HVCN1: variants seen among roughly 807,000 people sequenced by gnomAD.
HVCN1 encodes voltage-gated hydrogen channel 1.
A neutral mutation model predicts 29.2 loss-of-function variants in HVCN1; 14 were observed. The ratio of observed to expected loss-of-function variants is 0.48; its 90% CI spans 0.32 to 0.75. The LOEUF (loss-of-function observed/expected upper bound fraction) is 0.75, where lower values mean the gene tolerates loss of function less well. HVCN1 is among the 30% of genes least tolerant of loss of function. The pLI, the probability that HVCN1 is intolerant of heterozygous loss-of-function variation, is 0.04. For synonymous variants in HVCN1, 131 were observed against 133.2 expected (o/e 0.98, Z 0.11); for missense variants, 263 against 341.8 (o/e 0.77, Z 1.82).
In HVCN1 at chr12:110,651,403, C is replaced by A; in HGVS notation, c.457G>T (p.Glu153Ter). The A allele has an allele frequency of 6.2e-7, 1 of 1,613,906 alleles. No individual in the cohort carries two copies. The highest frequency in any genetic ancestry group is 8.5e-7 in the Non-Finnish European group (1 of 1,179,858). Reference protein sequence around the residue: ...SITILVFFMMEIIFKLFVFRL... With the variant: ...SITILVFFMM The stretch of plus-strand genomic sequence containing the variant: ...AAGACAAATAATTTAAAGATGATCT[C>A]CATCATAAAAAAGACCAAGATGGTG... The change falls in exon 6 of 8, where the codon GAG becomes TAG. Residue 153 changes from glutamate to a stop codon, truncating the protein, a stop_gained. Coordinates refer to ENST00000242607, the MANE Select transcript of HVCN1 (RefSeq NM_032369.4). LOFTEE classifies it high-confidence loss of function.
In HVCN1 at chr12:110,648,833, A is replaced by G. The variant is rs1413990535; in HGVS notation, c.*577T>C. The G allele has an allele frequency of 2.8e-6, 1 of 359,496 alleles. No individual in the cohort carries two copies. Among genetic ancestry groups the G allele is most frequent in the Non-Finnish European group, 5.3e-6 (1 of 189,398 alleles). The allele number at this position is 359,496 out of a possible 1,614,324, so 22.3% of individuals were successfully genotyped here. On this transcript the variant is annotated 3_prime_UTR_variant, in exon 8 of 8. Coordinates refer to ENST00000242607, the MANE Select transcript of HVCN1 (RefSeq NM_032369.4). ...CAGTAGTTGTTTTATTTTATACAGTAGTTGTACAGTAATTGAGGAAAAATG... is the reference window on the plus strand; with the variant it reads ...CAGTAGTTGTTTTATTTTATACAGTGGTTGTACAGTAATTGAGGAAAAATG...
At chr12:110,681,741 G>T (rs1439537750) in intron 3 of HVCN1, among the ~76,000 whole-genome samples, 1 of 152,066 alleles carries the variant, frequency 6.6e-6, no homozygotes, top group Non-Finnish European at 1.5e-5. Context: ...CCCTGCTGCT[G>T]CCCTGAGCTT....
Position 110,704,210 on chromosome 12 carries a change from T to C in HVCN1, c.-229+665A>G, listed in dbSNP as rs549445781. On this transcript the variant is annotated intron_variant, in intron 1 of 4. Transcript: ENST00000546713. ...CGTCCATGGGGGGTGGTTAAATAAA[T>C]GATGGTAAAGCCATACAAAGGAATA... 4.6e-5 allele frequency among the ~76,000 whole-genome samples: 7 copies of C among 152,110 alleles called. No homozygotes were observed. In the South Asian group the frequency reaches 1.5e-3, roughly 32 times the overall value.
intron 2 of HVCN1, among the ~76,000 whole-genome samples, chr12:110,695,609 A>G (rs1377775035): frequency 2.0e-5 from 3 of 152,224 alleles, no homozygotes; most frequent in African/African-American, 7.2e-5. Flanking sequence ...TGGAGATAAC[A>G]AAAGGTGGAG....
Position 110,661,545 on chromosome 12 carries a change from C to G in HVCN1, c.22-97G>C, listed in dbSNP as rs2068172529. Reference sequence around the variant, plus strand: ...CCAGGCCACTGCAGGTGAAGATGGTCCCGGGTGCGTAGAACCCCCTGCAAG... The same window carrying G: ...CCAGGCCACTGCAGGTGAAGATGGTGCCGGGTGCGTAGAACCCCCTGCAAG... On this transcript the variant is annotated intron_variant, in intron 3 of 7. Transcript: ENST00000242607. This position sits in a 1 kb window ranked among gnomAD's most constrained non-coding sequence, Gnocchi z 6.2. The G allele has an allele frequency of 4.2e-6, 5 of 1,194,496 alleles. No individual in the cohort carries two copies. Among genetic ancestry groups the G allele is most frequent in the Non-Finnish European group, 5.9e-6 (5 of 846,748 alleles). 74.0% of individuals were successfully genotyped at this position (1,194,496 alleles called of 1,614,324 possible).
At chr12:110,682,979 A>C (rs1191981588) in intron 3 of HVCN1, 5 of 428,708 alleles carry the variant, frequency 1.2e-5, no homozygotes, top group African/African-American at 4.3e-5. Context: ...AAAAAAAAAC[A>C]AAAAAAACCG....
intron 2 of HVCN1, among the ~76,000 whole-genome samples, chr12:110,697,371 A>G (rs2069509016): frequency 6.6e-6 from 1 of 152,134 alleles, no homozygotes; most frequent in Non-Finnish European, 1.5e-5. Flanking sequence ...CAAGAGGTAG[A>G]AGGAAAAACC....
At chr12:110,683,909 T>TAAAAAAAAAAAAAAAAAAA (rs766895530) in intron 2 of HVCN1, among the ~76,000 whole-genome samples, 1 of 67,884 alleles carries the variant, frequency 1.5e-5, no homozygotes. Flanking sequence ...AGACTCTATC[T>TAAAAAAAAAAAAAAAAAAA]AAAAAAAAAA....
chr12:110,666,604 T>G (rs1212960165), intron 3 of HVCN1, among the ~76,000 whole-genome samples: 4 of 152,036 alleles, frequency 2.6e-5, no homozygotes, highest in Non-Finnish European at 5.9e-5. Flanking sequence ...GGAACTGGCA[T>G]CTCTCCTTCC....
chr12:110,701,423 T>C (rs1480209715), intron 2 of HVCN1, among the ~76,000 whole-genome samples: 2 of 152,194 alleles, frequency 1.3e-5, no homozygotes, highest in African/African-American at 4.8e-5. Context: ...AATCAGAATC[T>C]TGGGCAGTGA....
At chr12:110,695,952 A>ATT (rs200611942) in intron 2 of HVCN1, among the ~76,000 whole-genome samples, 95 of 137,154 alleles carry the variant, frequency 6.9e-4, no homozygotes, top group African/African-American at 1.8e-3. Flanking sequence ...GGATCGTTTG[A>ATT]TTTTTTTTTT....
At chr12:110,665,483 G>C (rs1471548781) in intron 3 of HVCN1, among the ~76,000 whole-genome samples, 5 of 151,276 alleles carry the variant, frequency 3.3e-5, no homozygotes, top group Admixed American at 6.6e-5. Context: ...TCGAACCTGG[G>C]AAGCAGAGGT....
intron 3 of HVCN1, among the ~76,000 whole-genome samples, chr12:110,673,288 G>C (rs1158882809): frequency 2.0e-5 from 3 of 152,208 alleles, no homozygotes; most frequent in African/African-American, 4.8e-5. Flanking sequence ...GATTTGTGGA[G>C]CTTTGAACTT....
upstream of HVCN1, among the ~76,000 whole-genome samples, chr12:110,693,299 T>A (rs900218256): frequency 1.3e-5 from 2 of 152,114 alleles, no homozygotes; most frequent in African/African-American, 4.8e-5. Context: ...ATCCCAGCAC[T>A]TTGGGAGGCT....
intron 4 of HVCN1, among the ~76,000 whole-genome samples, chr12:110,659,650 G>C (rs1029488391): frequency 2.6e-5 from 4 of 152,334 alleles, no homozygotes; most frequent in Admixed American, 2.6e-4. Flanking sequence ...TGTGTATGGT[G>C]GCTCACGCCT....
chr12:110,654,104 A>G (rs910153472), intron 5 of HVCN1, among the ~76,000 whole-genome samples: 4 of 152,130 alleles, frequency 2.6e-5, no homozygotes, highest in African/African-American at 7.2e-5. Context: ...AAAAAAGACA[A>G]TAAGTATGGC....
chr12:110,692,818 G>A (rs928127044), upstream of HVCN1, among the ~76,000 whole-genome samples: 3 of 152,000 alleles, frequency 2.0e-5, no homozygotes, highest in Admixed American at 6.6e-5. Flanking sequence ...AACTTGGGTG[G>A]GAAAAAAATT....
At chr12:110,693,460 C>T (rs2069444069), upstream of HVCN1, among the ~76,000 whole-genome samples, 2 of 152,020 alleles carry the variant, frequency 1.3e-5, no homozygotes, top group Admixed American at 6.6e-5. Flanking sequence ...AGAAGAATCG[C>T]TTGAACCCGG....
At chr12:110,681,149 C>G (rs977527342) in intron 3 of HVCN1, among the ~76,000 whole-genome samples, 3 of 152,156 alleles carry the variant, frequency 2.0e-5, no homozygotes, top group African/African-American at 7.2e-5. Flanking sequence ...TCTGGCTGGG[C>G]CTGACAATTG....
Sources: gnomAD v4.1 joint callset for allele counts (sites outside exome capture counted in the v4.1 genomes callset) on GRCh38, gnomAD v4.1.1 for gene constraint, Gnocchi (gnomAD v3.1) non-coding constraint, MANE v1.5 for transcripts, NCBI Gene and HGNC (gene_info 2026-07-23, HGNC 2026-07-21) for gene names.